The following SETD2 variants were observed in gnomAD, a reference collection of about 807,000 sequenced individuals.
SETD2 encodes the protein SET domain containing 2, histone lysine methyltransferase, also known as histone-lysine N-methyltransferase SETD2.
Under a neutral mutation model 242.1 loss-of-function variants are expected in SETD2, and 31 were observed. That is an observed-to-expected ratio of 0.13 (90% CI 0.10 to 0.17). The LOEUF is 0.17. Ranked by LOEUF, SETD2 falls within the 10% of genes least tolerant of loss-of-function variation. The pLI, the probability that SETD2 is intolerant of heterozygous loss-of-function variation, is 1.00. For missense variants in SETD2, 2,481 were observed against 3,046.3 expected (o/e 0.81, Z 4.37); for synonymous variants, 1,006 against 1,066.5 (o/e 0.94, Z 1.11).
chr3:47,087,992 CAAAT>C (rs200217216), intron 10 of SETD2, 117 bp downstream of exon 10: 25,064 of 528,998 alleles, frequency 0.047, 1,179 homozygotes, highest in Admixed American at 0.22. Context: ...AACAAACAAA[CAAAT>C]AAATAAATAA....
intron 3 of SETD2, 61 bp downstream of exon 3, chr3:47,120,121 G>T (rs2107738311): frequency 7.6e-7 from 1 of 1,315,568 alleles, no homozygotes; most frequent in Non-Finnish European, 1.0e-6. Flanking sequence ...ATTGTTTAAA[G>T]GCTTTTTCTA....
At chr3:47,058,458 A>AAC (rs1553684318) in intron 14 of SETD2, among the ~76,000 whole-genome samples, 2,441 of 145,330 alleles carry the variant, frequency 0.017, 122 homozygotes, top group East Asian at 0.088. Flanking sequence ...AAAAAAAAAA[A>AAC]AAAAAACACA....
intron 1 of SETD2, among the ~76,000 whole-genome samples, chr3:47,160,255 C>T (rs1463050999): frequency 2.0e-5 from 3 of 152,054 alleles, no homozygotes; most frequent in Non-Finnish European, 4.4e-5. Flanking sequence ...TACTCTATTC[C>T]ACTTTCCAAA....
intron 11 of SETD2, among the ~76,000 whole-genome samples, chr3:47,085,160 TTTCC>T (rs1479275997): frequency 6.6e-6 from 1 of 152,216 alleles, no homozygotes; most frequent in Non-Finnish European, 1.5e-5. Flanking sequence ...ATAATATTGT[TTTCC>T]TTAAGAAAGA....
At chr3:47,071,492 C>T (rs1242444619) in intron 12 of SETD2, among the ~76,000 whole-genome samples, 1 of 152,022 alleles carries the variant, frequency 6.6e-6, no homozygotes, top group Non-Finnish European at 1.5e-5. Context: ...CGCTTTTATC[C>T]CTGGAAAGAA....
chr3:47,091,453 C>T (rs1370798238), intron 9 of SETD2, among the ~76,000 whole-genome samples: 2 of 152,000 alleles, frequency 1.3e-5, no homozygotes, highest in Non-Finnish European at 2.9e-5. Flanking sequence ...ATGGTAAAAC[C>T]CCATTTCTAC....
chr3:47,030,265 T>A (rs1292795551), intron 18 of SETD2, among the ~76,000 whole-genome samples: 1 of 151,822 alleles, frequency 6.6e-6, no homozygotes, highest in Non-Finnish European at 1.5e-5. Context: ...AATTAAAATT[T>A]GAGAGCAGAA....
chr3:47,043,518 G>A (rs1160131298), intron 16 of SETD2, among the ~76,000 whole-genome samples: 9 of 152,236 alleles, frequency 5.9e-5, no homozygotes, highest in Non-Finnish European at 1.2e-4. Context: ...CACTCAGTCT[G>A]TGGTATTTTG....
At position 47,046,508 on chromosome 3, in the gene SETD2, C is replaced by T. The variant is rs1575682673; in HGVS notation, c.7077G>A (p.Gly2359=). 6.2e-7 allele frequency: 1 copy of T among 1,607,754 alleles called. No individual in the cohort carries two copies. The highest frequency in any genetic ancestry group is 8.5e-7 in the Non-Finnish European group (1 of 1,176,486). The change falls in exon 16 of 21, where the codon GGG becomes GGA. Residue 2359 remains glycine (G), a synonymous_variant. Coordinates refer to ENST00000409792, the MANE Select transcript of SETD2 (RefSeq NM_014159.7). ...AAAVTTIVAP[G]QPQPLQPSEM... is the part of the protein sequence containing the mutation. ...TTACTGGCTGCAAGGGCTGAGGCTG[C>T]CCTGGTGCAACTATTGTAGTCACTG...
At chr3:47,029,633 G>A (rs760245813) in intron 18 of SETD2, among the ~76,000 whole-genome samples, 2 of 151,950 alleles carry the variant, frequency 1.3e-5, no homozygotes, top group Non-Finnish European at 2.9e-5. Context: ...AAGATATCAG[G>A]GATTTCCTGG....
intron 17 of SETD2, chr3:47,041,276 T>C: frequency 2.9e-6 from 1 of 346,762 alleles, no homozygotes. Context: ...TGTGCTCCAA[T>C]AAAACTTTAT....
chr3:47,048,225 T>TA (rs1388258010), intron 15 of SETD2, among the ~76,000 whole-genome samples: 2 of 152,026 alleles, frequency 1.3e-5, no homozygotes, highest in Non-Finnish European at 2.9e-5. Context: ...CCATCTCTAC[T>TA]AAAAATACAA....
chr3:47,083,191 T>C (rs1247838109), intron 12 of SETD2, among the ~76,000 whole-genome samples: 1 of 152,222 alleles, frequency 6.6e-6, no homozygotes, highest in Non-Finnish European at 1.5e-5. Context: ...TTTCCTCTTT[T>C]GTCCAAAGAA....
rs927815811 is a variant in SETD2 at position 47,016,907 on chromosome 3, G to A, written c.*186C>T. 2 of 594,484 alleles carry A rather than the reference G, an allele frequency of 3.4e-6. No homozygotes were observed. Among genetic ancestry groups the A allele is most frequent in the African/African-American group, 3.7e-5 (2 of 53,886 alleles). 36.8% of individuals were successfully genotyped at this position (594,484 alleles called of 1,614,324 possible). ...ACCACATGCCAACAGCTCACAACTA[G>A]GTAATCACTTGTAGATGGAGTTCAT... On this transcript the variant is annotated 3_prime_UTR_variant, in exon 21 of 21. Transcript: ENST00000409792.
intron 18 of SETD2, among the ~76,000 whole-genome samples, chr3:47,035,964 T>A (rs567248551): frequency 6.6e-6 from 1 of 152,258 alleles, no homozygotes; most frequent in Non-Finnish European, 1.5e-5. Context: ...AAGTGATTTA[T>A]GTGATTCATT....
chr3:47,092,799 C>G (rs2041857453), intron 9 of SETD2, among the ~76,000 whole-genome samples: 1 of 151,824 alleles, frequency 6.6e-6, no homozygotes, highest in Admixed American at 6.6e-5. Flanking sequence ...TGAGCAACAC[C>G]CATACAGCCA....
Position 47,120,375 on chromosome 3 carries a change from G to A in SETD2, c.4261C>T (p.Leu1421Phe), listed in dbSNP as rs2107740845. 4.3e-6 allele frequency: 7 copies of A among 1,612,832 alleles called. No individual in the cohort carries two copies. The highest frequency in any genetic ancestry group is 5.9e-6 in the Non-Finnish European group (7 of 1,179,592). The part of the protein sequence containing the change: ...IESDSESDGE[L>F]QDRKKVRVEV... ...ACTCTAACTTTCTTTCTGTCCTGAA[G>A]CTCACCATCACTTTCAGAATCACTC... Residue 1421 changes from leucine to phenylalanine, a missense_variant, in exon 3 of 21, where the codon CTT (leucine) becomes TTT (phenylalanine). By Grantham distance (22) the Leu-to-Phe change is conservative. Coordinates refer to ENST00000409792, the MANE Select transcript of SETD2 (RefSeq NM_014159.7).
Position 47,016,950 on chromosome 3 carries a change from G to T in SETD2, c.*143C>A. 1.3e-6 allele frequency: 1 copy of T among 765,740 alleles called. No homozygotes were observed. The highest frequency in any genetic ancestry group is 1.9e-5 in the South Asian group (1 of 53,914). 47.4% of individuals were successfully genotyped at this position (765,740 alleles called of 1,614,324 possible). ...GAGTTCATTTTTGTGGCCTTCAGTT[G>T]ACATCTGCAGGGTTGAATTCCCCAG... On this transcript the variant is annotated 3_prime_UTR_variant, in exon 21 of 21. Coordinates refer to ENST00000409792, the MANE Select transcript of SETD2 (RefSeq NM_014159.7).
intron 15 of SETD2, among the ~76,000 whole-genome samples, chr3:47,049,913 T>TTTATA (rs397974796): frequency 0.65 from 92,131 of 141,528 alleles, 30,587 homozygotes; most frequent in African/African-American, 0.76. Context: ...TTATTCTGAA[T>TTTATA]TTATATATTA....
Sources: gnomAD v4.1 joint callset for allele counts (sites outside exome capture counted in the v4.1 genomes callset) on GRCh38, gnomAD v4.1.1 for gene constraint, MANE v1.5 for transcripts, NCBI Gene and HGNC (gene_info 2026-07-23, HGNC 2026-07-21) for gene names.